Variants in GLG1 observed in about 807,000 individuals in gnomAD.
GLG1 encodes Golgi apparatus protein 1.
Under a neutral mutation model 160.5 loss-of-function variants are expected in GLG1, and 38 were observed. The ratio of observed to expected loss-of-function variants is 0.24; its 90% CI spans 0.18 to 0.31. GLG1 has a LOEUF of 0.31. Among genes scored for constraint, GLG1 ranks in the 10% least tolerant of loss-of-function variants. GLG1 has a pLI of 1.00. For synonymous variants in GLG1, 644 were observed against 543.4 expected (o/e 1.19, Z -2.57); for missense variants, 1,373 against 1,505.2 (o/e 0.91, Z 1.45).
At chr16:74,586,506 G>A (rs183644205) in intron 1 of GLG1, among the ~76,000 whole-genome samples, 250 of 151,618 alleles carry the variant, frequency 1.6e-3, no homozygotes, top group African/African-American at 5.6e-3. Flanking sequence ...ACAGGGTCTC[G>A]CTCTGTCACC....
intron 15 of GLG1, among the ~76,000 whole-genome samples, chr16:74,470,596 C>T (rs1041436128): frequency 6.7e-6 from 1 of 149,382 alleles, no homozygotes; most frequent in African/African-American, 2.5e-5. Context: ...TTACAGGCAC[C>T]CGCCATCACG....
chr16:74,464,964 G>A (rs955085426), intron 19 of GLG1, among the ~76,000 whole-genome samples: 25 of 152,078 alleles, frequency 1.6e-4, no homozygotes, highest in African/African-American at 5.8e-4. Flanking sequence ...TCAGCCTCCT[G>A]AATAGCTGGG....
rs1234376267 is a variant in GLG1 at position 74,462,169 on chromosome 16, C to T, written c.2961G>A (p.Gln987=). The T allele has an allele frequency of 1.9e-6, 3 of 1,605,538 alleles. No homozygotes were observed. The highest frequency in any genetic ancestry group is 3.3e-5 in the Admixed American group (2 of 59,960). ...CGGACTCCTGGATAATGATTCGGATCTGGTCTTCACAGTCTGAAGACAGGC... is the reference window on the plus strand; with the variant it reads ...CGGACTCCTGGATAATGATTCGGATTTGGTCTTCACAGTCTGAAGACAGGC... ...DQRLSSDCED[Q]IRIIIQESAL... The change falls in exon 22 of 26, where the codon CAG becomes CAA. Residue 987 remains glutamine, a synonymous_variant. Transcript: ENST00000422840.
chr16:74,518,945 G>T (rs1407710852), intron 2 of GLG1, among the ~76,000 whole-genome samples: 1 of 152,118 alleles, frequency 6.6e-6, no homozygotes, highest in Non-Finnish European at 1.5e-5. Flanking sequence ...CAAGGATCTA[G>T]AACTAGAAAT....
chr16:74,485,858 C>G lies in GLG1; in HGVS notation c.1509G>C (p.Leu503Phe), dbSNP rs753311750. Reference sequence around the variant, plus strand: ...GGATTACAGATTCACAAGCTTCATTCAAAGCTCGATCAATGCGGTAATCTG... The same window carrying G: ...GGATTACAGATTCACAAGCTTCATTGAAAGCTCGATCAATGCGGTAATCTG... ...PGADYRIDRA[L>F]NEACESVIQT... The change falls in exon 9 of 26, where the codon TTG (leucine) becomes TTC (phenylalanine). Residue 503 changes from leucine to phenylalanine, a missense_variant. Physicochemically the swap from Leu to Phe is conservative, Grantham distance 22 (BLOSUM62 0). Coordinates refer to ENST00000422840, the MANE Select transcript of GLG1 (RefSeq NM_001145667.2). 1.1e-5 allele frequency: 18 copies of G among 1,611,654 alleles called. 1 individual carries two copies.
chr16:74,558,576 C>A (rs1049965305), intron 1 of GLG1, among the ~76,000 whole-genome samples: 1 of 152,240 alleles, frequency 6.6e-6, no homozygotes, highest in Non-Finnish European at 1.5e-5. Flanking sequence ...TCCATGGATA[C>A]ACACACATTT....
intron 20 of GLG1, chr16:74,463,041 T>C: frequency 2.3e-6 from 1 of 437,566 alleles, no homozygotes. Flanking sequence ...CGAATCAGAT[T>C]ACCCGTACAT....
chr16:74,603,028 T>C (rs1328393487), intron 1 of GLG1, among the ~76,000 whole-genome samples: 1 of 151,932 alleles, frequency 6.6e-6, no homozygotes, highest in Non-Finnish European at 1.5e-5. Context: ...AGGCAGAGGT[T>C]GCAGTGAGCC....
intron 8 of GLG1, among the ~76,000 whole-genome samples, chr16:74,490,545 A>C (rs1054179929): frequency 6.6e-6 from 1 of 152,246 alleles, no homozygotes; most frequent in Non-Finnish European, 1.5e-5. Flanking sequence ...GCGGTAAATT[A>C]GTAACAGAAA....
intron 1 of GLG1, among the ~76,000 whole-genome samples, chr16:74,569,758 G>A (rs1044908697): frequency 1.3e-5 from 2 of 151,462 alleles, no homozygotes; most frequent in Non-Finnish European, 2.9e-5. Flanking sequence ...AGCTACATGG[G>A]AGGCTGAAGC....
At chr16:74,605,058 G>C (rs947881085) in intron 1 of GLG1, among the ~76,000 whole-genome samples, 1 of 152,038 alleles carries the variant, frequency 6.6e-6, no homozygotes. Flanking sequence ...AAAAAGAAAA[G>C]AAGTTTAAAA....
At chr16:74,569,952 G>C (rs1414322020) in intron 1 of GLG1, among the ~76,000 whole-genome samples, 1 of 151,100 alleles carries the variant, frequency 6.6e-6, no homozygotes, top group African/African-American at 2.4e-5. Context: ...GGAGGCTGAG[G>C]CCAGTGGATC....
At chr16:74,505,415 T>C (rs1467968349) in intron 3 of GLG1, among the ~76,000 whole-genome samples, 4 of 152,236 alleles carry the variant, frequency 2.6e-5, no homozygotes, top group Admixed American at 2.6e-4. Flanking sequence ...AGTAAGTTTT[T>C]GTGATGCCTA....
At chr16:74,572,858 C>A (rs1369641628) in intron 1 of GLG1, among the ~76,000 whole-genome samples, 1 of 152,136 alleles carries the variant, frequency 6.6e-6, no homozygotes, top group Admixed American at 6.5e-5. Flanking sequence ...ACAGGTCAAA[C>A]CTGTGTTTGA....
rs561240388 is a variant in GLG1 at position 74,602,096 on chromosome 16, T to C, written c.438+4561A>G. 2.0e-5 allele frequency among the ~76,000 whole-genome samples: 3 copies of C among 152,116 alleles called. No homozygotes were observed. In the South Asian group the frequency reaches 6.2e-4, roughly 32 times the overall value. On this transcript the variant is annotated intron_variant, in intron 1 of 25. Transcript: ENST00000422840. ...CTCAAGTATACAGTTAAGTGAAAGG[T>C]TAAAAGCAGAGTATAAAAATATTTA...
chr16:74,508,789 AT>A, intron 3 of GLG1, 49 bp downstream of exon 3: 1 of 793,922 alleles, frequency 1.3e-6, no homozygotes. Flanking sequence ...TGGTCTGGTA[AT>A]TTTCTCCTCT....
intron 4 of GLG1, among the ~76,000 whole-genome samples, chr16:74,498,359 G>C (rs2016273603): frequency 6.9e-6 from 1 of 144,356 alleles, no homozygotes; most frequent in Admixed American, 7.1e-5. Context: ...TTGAACCCAG[G>C]AGGTAGAGGT....
intron 4 of GLG1, among the ~76,000 whole-genome samples, chr16:74,503,027 C>T (rs1326530220): frequency 6.6e-6 from 1 of 151,476 alleles, no homozygotes; most frequent in African/African-American, 2.4e-5. Flanking sequence ...GCCGACATGG[C>T]GAAACCCCAG....
chr16:74,556,195 T>C (rs1393809458), intron 1 of GLG1, among the ~76,000 whole-genome samples: 1 of 152,146 alleles, frequency 6.6e-6, no homozygotes, highest in African/African-American at 2.4e-5. Context: ...AATCACAAAA[T>C]GTCCCTCTTA....
Sources: allele counts gnomAD v4.1 joint callset (sites outside exome capture counted in the v4.1 genomes callset), GRCh38; gene constraint gnomAD v4.1.1; transcripts MANE v1.5; gene names NCBI Gene and HGNC (gene_info 2026-07-23, HGNC 2026-07-21).